The following ATP11B variants were observed in gnomAD, a reference collection of about 807,000 sequenced individuals.
ATP11B encodes phospholipid-transporting ATPase IF.
A neutral mutation model predicts 157.8 loss-of-function variants in ATP11B; 81 were observed. The ratio of observed to expected loss-of-function variants is 0.51; its 90% CI spans 0.43 to 0.62. ATP11B has a LOEUF of 0.62. Among genes scored for constraint, ATP11B ranks in the 20% least tolerant of loss-of-function variants. The probability of loss-of-function intolerance (pLI) is 0.00; values close to 1 mark genes in which losing one functional copy is unlikely to be tolerated. For missense variants in ATP11B, 1,165 were observed against 1,402.2 expected, an observed-to-expected ratio of 0.83 and a Z score of 2.70; for synonymous variants, 451 against 469.4, an observed-to-expected ratio of 0.96 and a Z score of 0.51.
chr3:182,915,173 G>T, intron 29 of ATP11B: 1 of 984,718 alleles, frequency 1.0e-6, no homozygotes, highest in Non-Finnish European at 1.2e-6. Context: ...TGGTGAACTT[G>T]TTAGTTCTCA....
At chr3:182,801,237 A>C (rs1311473171) in intron 1 of ATP11B, among the ~76,000 whole-genome samples, 1 of 152,210 alleles carries the variant, frequency 6.6e-6, no homozygotes, top group African/African-American at 2.4e-5. Flanking sequence ...AAGGATATTA[A>C]TTAGTTAAGC....
intron 7 of ATP11B, among the ~76,000 whole-genome samples, chr3:182,841,105 G>A (rs373706270): frequency 6.6e-6 from 1 of 151,910 alleles, no homozygotes; most frequent in African/African-American, 2.4e-5. Flanking sequence ...CTCCCACCTG[G>A]TCACTAGACC....
chr3:182,802,067 T>A (rs935252460), intron 1 of ATP11B, among the ~76,000 whole-genome samples: 9 of 152,218 alleles, frequency 5.9e-5, no homozygotes, highest in South Asian at 2.1e-4. Context: ...GTCAATTTTT[T>A]AAAAAATGCA....
intron 25 of ATP11B, among the ~76,000 whole-genome samples, chr3:182,891,664 A>G (rs1031769043): frequency 6.6e-6 from 1 of 152,222 alleles, no homozygotes; most frequent in African/African-American, 2.4e-5. Context: ...TATACAGAAG[A>G]TAAAACCTTG....
intron 4 of ATP11B, among the ~76,000 whole-genome samples, chr3:182,833,181 T>G (rs530534335): frequency 1.6e-4 from 24 of 152,300 alleles, no homozygotes; most frequent in African/African-American, 5.8e-4. Context: ...ATTTTCAATT[T>G]GGGAATTAAT....
rs1722380168 is a variant in ATP11B at position 182,880,948 on chromosome 3, G to A, written c.2476G>A (p.Val826Ile). The A allele has an allele frequency of 1.3e-6, 2 of 1,596,994 alleles. No individual in the cohort carries two copies. Among genetic ancestry groups the A allele is most frequent in the African/African-American group, 1.4e-5 (1 of 73,938 alleles). Residue 826 changes from valine (V) to isoleucine (I), a missense_variant, in exon 21 of 30, where the codon GTA (valine) becomes ATA (isoleucine). Physicochemically the swap from Val to Ile is conservative, Grantham distance 29 (BLOSUM62 3). This residue lies in a region of ATP11B where 737 missense variants were observed against 930.5 expected (regional missense o/e 0.79). Coordinates refer to ENST00000323116, the MANE Select transcript of ATP11B (RefSeq NM_014616.3). The stretch of plus-strand genomic sequence containing the variant: ...GGCTGTTGGTGATGGTGCTAATGAC[G>A]TAAGCATGATACAAGAAGCCCATGT... Reference protein sequence around the residue: ...TLAVGDGANDVSMIQEAHVGI... With the variant: ...TLAVGDGANDISMIQEAHVGI...
chr3:182,898,845 A>T, intron 28 of ATP11B, 73 bp downstream of exon 28: 1 of 1,061,132 alleles, frequency 9.4e-7, no homozygotes, highest in Non-Finnish European at 1.3e-6. Context: ...TGTCATTATA[A>T]TTTGATTATG....
intron 9 of ATP11B, 93 bp downstream of exon 9, chr3:182,845,615 T>C (rs1412790723): frequency 1.4e-6 from 1 of 726,022 alleles, no homozygotes; most frequent in East Asian, 3.3e-5. Flanking sequence ...TTTGGTTAGA[T>C]AATTTATTAA....
intron 4 of ATP11B, among the ~76,000 whole-genome samples, chr3:182,835,581 A>G (rs1346643378): frequency 6.6e-6 from 1 of 152,188 alleles, no homozygotes; most frequent in East Asian, 1.9e-4. Context: ...AATATGTTTA[A>G]GACATTTATG....
intron 2 of ATP11B, among the ~76,000 whole-genome samples, chr3:182,825,842 G>T (rs187261151): frequency 0.017 from 2,520 of 152,264 alleles, 29 homozygotes; most frequent in Admixed American, 0.024. Flanking sequence ...GGAGGTTGCA[G>T]TGGGCCAAGA....
chr3:182,797,554 G>A (rs1281258697), intron 1 of ATP11B, among the ~76,000 whole-genome samples: 3 of 151,882 alleles, frequency 2.0e-5, no homozygotes, highest in East Asian at 1.9e-4. Flanking sequence ...CTAAAAATCC[G>A]AAAATTTGCC....
At chr3:182,819,303 G>A (rs1020609677) in intron 1 of ATP11B, among the ~76,000 whole-genome samples, 5 of 151,828 alleles carry the variant, frequency 3.3e-5, no homozygotes, top group Admixed American at 2.6e-4. Context: ...GATCTCCTGA[G>A]CTCGTGATCC....
chr3:182,867,923 G>A (rs889884961), intron 15 of ATP11B, among the ~76,000 whole-genome samples: 3 of 152,108 alleles, frequency 2.0e-5, no homozygotes, highest in African/African-American at 4.8e-5. Context: ...ATGCAACAGA[G>A]ACCATGTATG....
intron 12 of ATP11B, among the ~76,000 whole-genome samples, chr3:182,863,151 G>A (rs528445863): frequency 8.6e-5 from 13 of 152,044 alleles, no homozygotes; most frequent in East Asian, 7.7e-4. Flanking sequence ...TGATCCACCC[G>A]CCTCGGCCTC....
chr3:182,872,620 C>A (rs1721748130), intron 18 of ATP11B, 83 bp downstream of exon 18: 4 of 1,152,178 alleles, frequency 3.5e-6, no homozygotes, highest in Non-Finnish European at 3.6e-6. Flanking sequence ...GACATAAATT[C>A]TCTTTACTAA....
At chr3:182,886,726 C>T (rs932560470) in intron 23 of ATP11B, among the ~76,000 whole-genome samples, 39 of 152,262 alleles carry the variant, frequency 2.6e-4, no homozygotes, top group African/African-American at 8.7e-4. Context: ...ACCCTTTTTA[C>T]ATACCATACT....
intron 19 of ATP11B, among the ~76,000 whole-genome samples, chr3:182,878,207 T>G (rs1036603084): frequency 9.2e-5 from 14 of 152,244 alleles, no homozygotes; most frequent in African/African-American, 1.4e-4. Context: ...CAACAGTGAT[T>G]AGGCATACTA....
intron 2 of ATP11B, among the ~76,000 whole-genome samples, chr3:182,826,827 A>G (rs779623463): frequency 6.6e-6 from 1 of 152,120 alleles, no homozygotes; most frequent in African/African-American, 2.4e-5. Context: ...ACAGTGTTTC[A>G]GGTCTCAAAC....
At chr3:182,873,361 AC>A (rs1171539344) in intron 18 of ATP11B, among the ~76,000 whole-genome samples, 1 of 152,134 alleles carries the variant, frequency 6.6e-6, no homozygotes, top group African/African-American at 2.4e-5. Flanking sequence ...GGTTGTCCTT[AC>A]GAGATTTCTG....
Sources: allele counts gnomAD v4.1 joint callset (sites outside exome capture counted in the v4.1 genomes callset), GRCh38; gene constraint gnomAD v4.1.1; regional missense constraint gnomAD v4.1.1; transcripts MANE v1.5; gene names NCBI Gene and HGNC (gene_info 2026-07-23, HGNC 2026-07-21).